Variants in PDE10A observed in about 807,000 individuals in gnomAD.
PDE10A encodes phosphodiesterase 10A, also known as cAMP and cAMP-inhibited cGMP 3',5'-cyclic phosphodiesterase 10A.
PDE10A carries 39 observed loss-of-function variants against 97.7 expected under a neutral mutation model. The ratio of observed to expected loss-of-function variants is 0.40; its 90% CI spans 0.31 to 0.52. PDE10A has a LOEUF of 0.52. PDE10A is among the 20% of genes least tolerant of loss of function. The pLI, the probability that PDE10A is intolerant of heterozygous loss-of-function variation, is 0.56. For missense variants in PDE10A, 731 were observed against 1,047.8 expected (o/e 0.70, Z 4.17); for synonymous variants, 371 against 376.8 (o/e 0.98, Z 0.18).
intron 1 of PDE10A, among the ~76,000 whole-genome samples, chr6:165,638,687 T>G (rs1271842800): frequency 2.6e-5 from 4 of 152,156 alleles, no homozygotes; most frequent in Non-Finnish European, 5.9e-5. Context: ...TAACCAAAAC[T>G]GGTAAAAGTT....
At chr6:165,640,155 T>C (rs978203456) in intron 1 of PDE10A, among the ~76,000 whole-genome samples, 3 of 152,106 alleles carry the variant, frequency 2.0e-5, no homozygotes, top group African/African-American at 7.2e-5. Flanking sequence ...CATTAGGGTA[T>C]AGGAAATGCA....
intron 1 of PDE10A, among the ~76,000 whole-genome samples, chr6:165,691,485 G>A (rs1192079217): frequency 6.6e-6 from 1 of 151,982 alleles, no homozygotes. Context: ...ACTCTGTGAT[G>A]TTCTTAGACA....
chr6:165,415,771 A>G (rs1424672931), intron 12 of PDE10A, among the ~76,000 whole-genome samples: 4 of 152,228 alleles, frequency 2.6e-5, no homozygotes, highest in Non-Finnish European at 1.5e-5. Context: ...AAGAAATGAC[A>G]GAACCGTGCT....
chr6:165,343,293 A>G, intron 19 of PDE10A, 98 bp downstream of exon 19: 3 of 838,010 alleles, frequency 3.6e-6, no homozygotes, highest in Non-Finnish European at 6.1e-6. Flanking sequence ...GTTCTCTGAA[A>G]TAACTATCAA....
At chr6:165,433,197 T>TGATAGAA in intron 6 of PDE10A, 68 bp from the exon 7 acceptor site, 4 of 1,214,442 alleles carry the variant, frequency 3.3e-6, no homozygotes, top group Non-Finnish European at 4.7e-6. Flanking sequence ...TTCTTATTTC[T>TGATAGAA]ATCAGAAATT....
chr6:165,706,045 C>T (rs553647998), intron 1 of PDE10A, among the ~76,000 whole-genome samples: 59 of 152,282 alleles, frequency 3.9e-4, no homozygotes, highest in African/African-American at 1.4e-3. Flanking sequence ...TAATGCATAG[C>T]TCTCACAGCA....
At chr6:165,691,589 GCGCA>G (rs1425540151) in intron 1 of PDE10A, among the ~76,000 whole-genome samples, 5,205 of 144,448 alleles carry the variant, frequency 0.036, 114 homozygotes, top group African/African-American at 0.071. Flanking sequence ...ATGCACGCGC[GCGCA>G]CACACACACA....
At chr6:165,480,868 T>A (rs1398412615) in intron 3 of PDE10A, among the ~76,000 whole-genome samples, 1 of 152,092 alleles carries the variant, frequency 6.6e-6, no homozygotes, top group Non-Finnish European at 1.5e-5. Flanking sequence ...ACGGGGTACG[T>A]TTTTTCAAAA....
At chr6:165,706,494 A>G (rs923581691) in intron 1 of PDE10A, among the ~76,000 whole-genome samples, 3 of 152,188 alleles carry the variant, frequency 2.0e-5, no homozygotes, top group Non-Finnish European at 4.4e-5. Flanking sequence ...CTGATCCTTC[A>G]TAGCTAAGGA....
chr6:165,506,332 T>C (rs1781189670), intron 2 of PDE10A, among the ~76,000 whole-genome samples: 2 of 152,204 alleles, frequency 1.3e-5, no homozygotes, highest in African/African-American at 4.8e-5. Context: ...ATTTCAGTAT[T>C]CTATCTCTGT....
At chr6:165,909,609 G>A (rs141394557) in intron 1 of PDE10A, among the ~76,000 whole-genome samples, 168 of 152,304 alleles carry the variant, frequency 1.1e-3, no homozygotes, top group African/African-American at 3.7e-3. Context: ...ATTGGTTCCA[G>A]GTGGAAGCAT....
Position 165,919,380 on chromosome 6 carries a change from C to T in PDE10A, c.-615+68149G>A, listed in dbSNP as rs114435350. On this transcript the variant is annotated intron_variant, in intron 1 of 19. Transcript: ENST00000366882. ...TCATGGCTGAGCTGCCCCAGGCCCACCTCCATCTAGGGGATAACCTTGTGG... is the reference window on the plus strand; with the variant it reads ...TCATGGCTGAGCTGCCCCAGGCCCATCTCCATCTAGGGGATAACCTTGTGG... Among the ~76,000 whole-genome samples the T allele has an allele frequency of 7.7e-3, 1,170 of 152,332 alleles. 19 individuals carry two copies. The highest frequency in any genetic ancestry group is 0.026 in the African/African-American group (1,080 of 41,576).
intron 1 of PDE10A, among the ~76,000 whole-genome samples, chr6:165,776,406 G>T (rs949928860): frequency 6.6e-6 from 1 of 152,062 alleles, no homozygotes; most frequent in Non-Finnish European, 1.5e-5. Context: ...GGCCATTTTT[G>T]CTTATTTCGA....
intron 1 of PDE10A, among the ~76,000 whole-genome samples, chr6:165,641,522 C>T (rs1031740502): frequency 3.5e-5 from 5 of 143,320 alleles, no homozygotes; most frequent in African/African-American, 1.2e-4. Flanking sequence ...CTGGCAAATG[C>T]TTCCCCAGCA....
chr6:165,776,233 C>G (rs549353362), intron 1 of PDE10A, among the ~76,000 whole-genome samples: 22 of 152,168 alleles, frequency 1.4e-4, no homozygotes, highest in Non-Finnish European at 2.9e-4. Flanking sequence ...ATTAATTATG[C>G]ATATGTATAA....
intron 1 of PDE10A, among the ~76,000 whole-genome samples, chr6:165,626,987 G>C (rs4709081): frequency 0.52 from 78,763 of 152,042 alleles, 22,679 homozygotes; most frequent in East Asian, 0.73. Context: ...GGAAAAGCCA[G>C]AGTTCAGAGG....
At chr6:165,538,736 G>A (rs540520217) in intron 2 of PDE10A, among the ~76,000 whole-genome samples, 1 of 152,168 alleles carries the variant, frequency 6.6e-6, no homozygotes, top group Non-Finnish European at 1.5e-5. Context: ...AACGGCATTA[G>A]TGGTGGGAAA....
intron 2 of PDE10A, among the ~76,000 whole-genome samples, chr6:165,540,399 C>T (rs551348894): frequency 6.6e-6 from 1 of 152,140 alleles, no homozygotes; most frequent in African/African-American, 2.4e-5. Flanking sequence ...CAGTGTGTTA[C>T]ACGGTTTTAT....
At position 165,418,136 on chromosome 6, in the gene PDE10A, A is replaced by C. The variant is rs1788452700; in HGVS notation, c.1796+499T>G. Among the ~76,000 whole-genome samples the C allele has an allele frequency of 6.6e-6, 1 of 152,212 alleles. No homozygotes were observed. The highest frequency in any genetic ancestry group is 2.1e-4 in the South Asian group (1 of 4,836). On this transcript the variant is annotated intron_variant, in intron 11 of 21. Transcript: ENST00000539869. This position sits in a 1 kb window ranked among gnomAD's most constrained non-coding sequence, Gnocchi z 4.8. ...TAAAAAAACAAAGACTTCAGTTTCA[A>C]GATGCAACACAGGTGTGCTATGTGA...
Sources: gnomAD v4.1 joint callset for allele counts (sites outside exome capture counted in the v4.1 genomes callset) on GRCh38, gnomAD v4.1.1 for gene constraint, Gnocchi (gnomAD v3.1) non-coding constraint, MANE v1.5 for transcripts, NCBI Gene and HGNC (gene_info 2026-07-23, HGNC 2026-07-21) for gene names.